TET1: variants seen among roughly 807,000 people sequenced by gnomAD.
The protein encoded by TET1 is methylcytosine dioxygenase TET1.
Under a neutral mutation model 148.7 loss-of-function variants are expected in TET1, and 13 were observed. The ratio of observed to expected loss-of-function variants is 0.09; its 90% CI spans 0.06 to 0.14. The LOEUF (loss-of-function observed/expected upper bound fraction) is 0.14, where lower values mean the gene tolerates loss of function less well. Among genes scored for constraint, TET1 ranks in the 10% least tolerant of loss-of-function variants. The probability of loss-of-function intolerance (pLI) is 1.00; values close to 1 mark genes in which losing one functional copy is unlikely to be tolerated. For missense variants in TET1, 2,182 were observed against 2,553.8 expected, an observed-to-expected ratio of 0.85 and a Z score of 3.14; for synonymous variants, 907 against 937.2, an observed-to-expected ratio of 0.97 and a Z score of 0.59.
At chr10:68,641,822 G>A (rs776326413) in intron 3 of TET1, among the ~76,000 whole-genome samples, 7 of 151,970 alleles carry the variant, frequency 4.6e-5, no homozygotes, top group Non-Finnish European at 5.9e-5. Context: ...TTATTGAGAC[G>A]ATGTCTCATT....
chr10:68,573,568 T>A lies in TET1; in HGVS notation c.1230T>A (p.Gly410=). 6.2e-7 allele frequency: 1 copy of A among 1,614,162 alleles called. No individual in the cohort carries two copies. Among genetic ancestry groups the A allele is most frequent in the Non-Finnish European group, 8.5e-7 (1 of 1,180,034 alleles). ...GAIPVQGEVF[G]TILDQQETLG... ...TTCCAGTCCAAGGAGAGGTCTTTGG[T>A]ACTATTTTAGACCAACAAGAAACTC... The change falls in exon 2 of 12, where the codon GGT becomes GGA. Residue 410 remains glycine (G), a synonymous_variant. Coordinates refer to ENST00000373644, the MANE Select transcript of TET1 (RefSeq NM_030625.3).
intron 3 of TET1, among the ~76,000 whole-genome samples, chr10:68,605,541 TCTCA>T (rs1259722232): frequency 2.6e-5 from 4 of 152,136 alleles, no homozygotes; most frequent in Non-Finnish European, 4.4e-5. Context: ...TGAGACAGAG[TCTCA>T]CTCTGTCACT....
At chr10:68,571,365 G>A (rs1237322395) in intron 1 of TET1, among the ~76,000 whole-genome samples, 3 of 151,656 alleles carry the variant, frequency 2.0e-5, no homozygotes, top group African/African-American at 4.9e-5. Context: ...GTGCAATGGC[G>A]CAATCTCGGC....
intron 2 of TET1, among the ~76,000 whole-genome samples, chr10:68,596,043 T>TATATATATAC (rs1385431976): frequency 1.4e-4 from 18 of 131,112 alleles, no homozygotes; most frequent in African/African-American, 5.0e-4. Context: ...TATATATATA[T>TATATATATAC]ACACATTTTT....
At chr10:68,626,127 A>AAAAAAAAAAAAG (rs10660283) in intron 3 of TET1, among the ~76,000 whole-genome samples, 1 of 120,240 alleles carries the variant, frequency 8.3e-6, no homozygotes, top group African/African-American at 3.2e-5. Context: ...AAAAGAAAAG[A>AAAAAAAAAAAAG]AAATACTTAA....
intron 3 of TET1, 24 bp from the exon 4 acceptor site, chr10:68,644,674 A>G (rs533450534): frequency 5.9e-6 from 9 of 1,529,144 alleles, no homozygotes; most frequent in African/African-American, 1.4e-5. Flanking sequence ...AGTAGATGAC[A>G]TAAGTAATTT....
chr10:68,672,511 A>AC (rs1834490061), intron 7 of TET1, among the ~76,000 whole-genome samples: 5 of 130,782 alleles, frequency 3.8e-5, no homozygotes, highest in Admixed American at 1.5e-4. Context: ...AAAAAAAAAA[A>AC]CACCAAAAAA....
At chr10:68,599,067 C>G (rs2054021693) in intron 2 of TET1, among the ~76,000 whole-genome samples, 1 of 152,182 alleles carries the variant, frequency 6.6e-6, no homozygotes, top group Admixed American at 6.5e-5. Context: ...AGTGGAAAAA[C>G]AACGCATGCC....
chr10:68,661,818 A>ACACACACACACACAC, intron 6 of TET1, among the ~76,000 whole-genome samples: 1 of 150,670 alleles, frequency 6.6e-6, no homozygotes, highest in African/African-American at 2.4e-5. Flanking sequence ...TTGTTAAAAA[A>ACACACACACACACAC]ACACACACAC....
intron 2 of TET1, among the ~76,000 whole-genome samples, chr10:68,590,943 C>T (rs1303325951): frequency 9.2e-5 from 14 of 152,020 alleles, no homozygotes; most frequent in Non-Finnish European, 1.0e-4. Flanking sequence ...GCAACCTCCA[C>T]CTCCCAGGTT....
intron 3 of TET1, among the ~76,000 whole-genome samples, chr10:68,608,259 G>A (rs901186136): frequency 1.3e-5 from 2 of 150,058 alleles, no homozygotes; most frequent in East Asian, 2.0e-4. Context: ...TTATTGAGAC[G>A]GAGTCTCACT....
At chr10:68,624,600 T>TTC (rs1554937994) in intron 3 of TET1, among the ~76,000 whole-genome samples, 7 of 132,586 alleles carry the variant, frequency 5.3e-5, no homozygotes, top group South Asian at 2.8e-4. Context: ...TATTTTCTTT[T>TTC]TCTCTTTCTT....
chr10:68,579,018 A>G (rs2053763321), intron 2 of TET1, among the ~76,000 whole-genome samples: 1 of 152,156 alleles, frequency 6.6e-6, no homozygotes, highest in South Asian at 2.1e-4. Flanking sequence ...CCCTGTCTGA[A>G]AAAAAATAAT....
At chr10:68,618,382 C>T (rs2664419) in intron 3 of TET1, among the ~76,000 whole-genome samples, 1 of 151,844 alleles carries the variant, frequency 6.6e-6, no homozygotes, top group African/African-American at 2.4e-5. Context: ...TAGAATTCCA[C>T]GGGAATGTGA....
chr10:68,595,941 TATATATATATATATATATATAC>T (rs1229748661), intron 2 of TET1, among the ~76,000 whole-genome samples: 14 of 38,242 alleles, frequency 3.7e-4, no homozygotes, highest in Middle Eastern at 0.012. Context: ...TATATATATA[TATATATATATATATATATATAC>T]ACACACACAC....
At chr10:68,615,116 G>A (rs540791389) in intron 3 of TET1, among the ~76,000 whole-genome samples, 35 of 151,180 alleles carry the variant, frequency 2.3e-4, no homozygotes, top group African/African-American at 8.3e-4. Flanking sequence ...TGTATTTTTA[G>A]TAGAGATGGT....
In TET1 at chr10:68,669,480, T is replaced by TTTTTC. The variant is rs770499859; in HGVS notation, c.4673+2228_4673+2229insCTTTT. 7.2e-3 allele frequency among the ~76,000 whole-genome samples: 1,024 copies of TTTTTC among 142,800 alleles called. 25 individuals are homozygous for TTTTTC. Among genetic ancestry groups the TTTTTC allele is most frequent in the Non-Finnish European group, 9.8e-3 (639 of 65,324 alleles). 93.7% of individuals were successfully genotyped at this position (142,800 alleles called of 152,430 possible). ...CGCCTGCCACCATGCCCAGCTTTTTTTTTTTTTTTTTTGTATTTTTTTGTA... is the reference window on the plus strand; with the variant it reads ...CGCCTGCCACCATGCCCAGCTTTTTTTTTTCTTTTTTTTTTTTGTATTTTTTTGTA... On this transcript the variant is annotated intron_variant, in intron 7 of 11. Coordinates refer to ENST00000373644, the MANE Select transcript of TET1 (RefSeq NM_030625.3).
At chr10:68,648,512 T>C (rs1175106721) in intron 4 of TET1, among the ~76,000 whole-genome samples, 3 of 152,206 alleles carry the variant, frequency 2.0e-5, no homozygotes, top group African/African-American at 7.2e-5. Context: ...CTCATCCAAA[T>C]AGGTTTAGTT....
intron 6 of TET1, among the ~76,000 whole-genome samples, chr10:68,658,603 T>A (rs1345799974): frequency 6.6e-6 from 1 of 152,254 alleles, no homozygotes; most frequent in Non-Finnish European, 1.5e-5. Context: ...TTGAAATGTT[T>A]CCTTGCCAGG....
Sources: allele counts gnomAD v4.1 joint callset (sites outside exome capture counted in the v4.1 genomes callset), GRCh38; gene constraint gnomAD v4.1.1; transcripts MANE v1.5; gene names NCBI Gene and HGNC (gene_info 2026-07-23, HGNC 2026-07-21).